The following NOL10 variants were observed in gnomAD, a reference collection of about 807,000 sequenced individuals.
NOL10 encodes the protein nucleolar protein 10.
NOL10 carries 58 observed loss-of-function variants against 103.5 expected under a neutral mutation model. That is an observed-to-expected ratio of 0.56 (90% CI 0.45 to 0.70). The LOEUF (loss-of-function observed/expected upper bound fraction) is 0.70. Among genes scored for constraint, NOL10 ranks in the 30% least tolerant of loss-of-function variants. The pLI is 0.00. For missense variants in NOL10, 763 were observed against 807.3 expected (o/e 0.95, Z 0.67); for synonymous variants, 287 against 282.5 (o/e 1.02, Z -0.16).
chr2:10,595,067 A>C (rs1675596980), intron 17 of NOL10, among the ~76,000 whole-genome samples: 1 of 146,518 alleles, frequency 6.8e-6, no homozygotes, highest in Non-Finnish European at 1.5e-5. Flanking sequence ...TGGAAAGGAA[A>C]GTTATCAAAA....
intron 13 of NOL10, among the ~76,000 whole-genome samples, chr2:10,630,491 T>A (rs911588576): frequency 6.6e-6 from 1 of 152,080 alleles, no homozygotes; most frequent in African/African-American, 2.4e-5. Context: ...GGCGGGCGGA[T>A]CATGAGGTCA....
chr2:10,634,693 C>CTA, intron 13 of NOL10: 1 of 435,672 alleles, frequency 2.3e-6, no homozygotes, highest in South Asian at 1.6e-5. Flanking sequence ...CTAGCGCTCA[C>CTA]TAACATTCAG....
intron 17 of NOL10, 59 bp from the exon 18 acceptor site, chr2:10,589,810 GA>G: frequency 9.3e-7 from 1 of 1,077,274 alleles, no homozygotes; most frequent in East Asian, 2.8e-5. Flanking sequence ...AATTTGACCA[GA>G]AACATGGTTT....
chr2:10,582,855 C>T (rs893417592), intron 19 of NOL10, among the ~76,000 whole-genome samples: 7 of 152,236 alleles, frequency 4.6e-5, no homozygotes, highest in African/African-American at 1.4e-4. Context: ...CTATAAACCG[C>T]TTTCCATCAA....
At chr2:10,639,010 C>G (rs895264289) in intron 13 of NOL10, among the ~76,000 whole-genome samples, 6 of 151,398 alleles carry the variant, frequency 4.0e-5, no homozygotes, top group Admixed American at 1.3e-4. Flanking sequence ...ACTATGTTTG[C>G]TAGGCTGGTC....
chr2:10,589,457 G>A, intron 18 of NOL10, 121 bp downstream of exon 18: 1 of 1,205,664 alleles, frequency 8.3e-7, no homozygotes, highest in Non-Finnish European at 1.1e-6. Flanking sequence ...TAAGCCCAAT[G>A]TCAAACACTT....
At chr2:10,623,400 G>A (rs1054437880) in intron 13 of NOL10, among the ~76,000 whole-genome samples, 2 of 152,088 alleles carry the variant, frequency 1.3e-5, no homozygotes, top group African/African-American at 4.8e-5. Flanking sequence ...TGATCTCCCT[G>A]ATTCTGCCAC....
rs1676355389 is a variant in NOL10 at position 10,608,104 on chromosome 2, A to T, written c.1027-793T>A. 2.0e-5 allele frequency among the ~76,000 whole-genome samples: 3 copies of T among 152,230 alleles called. 1 individual carries two copies. The South Asian group carries it at 6.2e-4, about 31-fold the overall frequency. ...AAATGTTAATTAGCTCAATTTAGCCATTCCACAACATATACATGTTTCAAA... is the reference window on the plus strand; with the variant it reads ...AAATGTTAATTAGCTCAATTTAGCCTTTCCACAACATATACATGTTTCAAA... On this transcript the variant is annotated intron_variant, in intron 13 of 20. Coordinates refer to ENST00000381685, the MANE Select transcript of NOL10 (RefSeq NM_024894.4).
chr2:10,590,247 AC>A (rs1269783728), intron 17 of NOL10, among the ~76,000 whole-genome samples: 3 of 152,160 alleles, frequency 2.0e-5, no homozygotes, highest in South Asian at 2.1e-4. Flanking sequence ...AGTAGCTGGG[AC>A]CACAGGTGCA....
At position 10,589,057 on chromosome 2, in the gene NOL10, C is replaced by T; in HGVS notation, c.1830G>A (p.Lys610=). Residue 610 remains lysine, a synonymous_variant, in exon 19 of 21, where the codon AAG becomes AAA. Coordinates refer to ENST00000381685, the MANE Select transcript of NOL10 (RefSeq NM_024894.4). The part of the protein sequence containing the change: ...EFRSFKDSAT[K]QKLMNKTLED... ...GTGCTACTCACTTCATCAGTTTCTGCTTTGTGGCAGAATCTTTGAAGCTTC... is the reference window on the plus strand; with the variant it reads ...GTGCTACTCACTTCATCAGTTTCTGTTTTGTGGCAGAATCTTTGAAGCTTC... The T allele has an allele frequency of 6.2e-7, 1 of 1,613,916 alleles. No homozygotes were observed. The highest frequency in any genetic ancestry group is 8.5e-7 in the Non-Finnish European group (1 of 1,179,884).
intron 8 of NOL10, among the ~76,000 whole-genome samples, chr2:10,663,678 C>T (rs1031130614): frequency 2.0e-5 from 3 of 151,262 alleles, no homozygotes; most frequent in Non-Finnish European, 3.0e-5. Flanking sequence ...CGGCCAGGCG[C>T]GGTGGCCACG....
chr2:10,655,655 G>C (rs773962791), intron 11 of NOL10, among the ~76,000 whole-genome samples: 33 of 152,178 alleles, frequency 2.2e-4, no homozygotes, highest in Non-Finnish European at 3.7e-4. Flanking sequence ...TGTTAGTCAA[G>C]AGGAAGTCTT....
At chr2:10,591,521 T>G (rs1392628891) in intron 17 of NOL10, among the ~76,000 whole-genome samples, 1 of 152,150 alleles carries the variant, frequency 6.6e-6, no homozygotes, top group Non-Finnish European at 1.5e-5. Context: ...ATTTTTTGAT[T>G]GGGTCATACT....
At chr2:10,612,087 C>T (rs1443572677) in intron 13 of NOL10, among the ~76,000 whole-genome samples, 1 of 152,008 alleles carries the variant, frequency 6.6e-6, no homozygotes, top group Non-Finnish European at 1.5e-5. Flanking sequence ...GGTGCCACTG[C>T]CCTCCAGCCT....
chr2:10,587,138 C>CATATATACATATATATACATATATAT (rs1553296146), intron 19 of NOL10, among the ~76,000 whole-genome samples: 1 of 15,836 alleles, frequency 6.3e-5, no homozygotes, highest in African/African-American at 3.5e-4. Context: ...TACATATATA[C>CATATATACATATATATACATATATAT]ACATATATAT....
At chr2:10,654,621 T>G in intron 11 of NOL10, 74 bp from the exon 12 acceptor site, 1 of 825,952 alleles carries the variant, frequency 1.2e-6, no homozygotes, top group East Asian at 2.6e-5. Flanking sequence ...ACTGAAGCTG[T>G]AACTCAACCA....
At chr2:10,594,264 G>T (rs796206602) in intron 17 of NOL10, among the ~76,000 whole-genome samples, 15 of 152,298 alleles carry the variant, frequency 9.8e-5, no homozygotes, top group African/African-American at 3.6e-4. Flanking sequence ...CATTTAAGGG[G>T]AATTGGTTGT....
rs112919631 is a variant in NOL10 at position 10,636,434 on chromosome 2, A to C, written c.1026+7886T>G. Among the ~76,000 whole-genome samples the C allele has an allele frequency of 9.6e-3, 1,429 of 149,460 alleles. 31 individuals carry two copies. Among genetic ancestry groups the C allele is most frequent in the African/African-American group, 0.033 (1,345 of 40,554 alleles). ...CTACAAAAAACCAAAAAAAAAAAAA[A>C]AAAAAAAAAAAACACCAAACAAAAT... On this transcript the variant is annotated intron_variant, in intron 13 of 20. Coordinates refer to ENST00000381685, the MANE Select transcript of NOL10 (RefSeq NM_024894.4).
At position 10,667,293 on chromosome 2, in the gene NOL10, C is replaced by A. The variant is rs1211312920; in HGVS notation, c.531-15G>T. ...CATTATTCTCCCTAACACAGGAAAG[C>A]AGTAAGAAAGAATGAATTAGTTAGC... is the stretch of plus-strand genomic sequence containing the variant. On this transcript the variant is annotated splice_polypyrimidine_tract_variant and intron_variant, in intron 7 of 20. Coordinates refer to ENST00000381685, the MANE Select transcript of NOL10 (RefSeq NM_024894.4). The A allele has an allele frequency of 6.4e-7, 1 of 1,563,910 alleles. No homozygotes were observed. Among genetic ancestry groups the A allele is most frequent in the South Asian group, 1.2e-5 (1 of 85,082 alleles).
Sources: gnomAD v4.1 joint callset for allele counts (sites outside exome capture counted in the v4.1 genomes callset) on GRCh38, gnomAD v4.1.1 for gene constraint, MANE v1.5 for transcripts, NCBI Gene and HGNC (gene_info 2026-07-23, HGNC 2026-07-21) for gene names.